The following ZFP82 variants were observed in gnomAD, a reference collection of about 807,000 sequenced individuals.
ZFP82 encodes the protein zinc finger protein 82 homolog.
Under a neutral mutation model 54.0 loss-of-function variants are expected in ZFP82, and 30 were observed. The observed-to-expected ratio is 0.56, with a 90% CI of 0.42 to 0.75. The LOEUF is 0.75. ZFP82 is among the 30% of genes least tolerant of loss of function. The probability of loss-of-function intolerance (pLI) is 0.00; values close to 1 mark genes in which losing one functional copy is unlikely to be tolerated. For synonymous variants in ZFP82, 194 were observed against 209.5 expected (o/e 0.93, Z 0.64); for missense variants, 500 against 636.8 (o/e 0.79, Z 2.31).
intron 4 of ZFP82, among the ~76,000 whole-genome samples, chr19:36,403,409 A>G (rs1018634215): frequency 2.0e-5 from 3 of 146,560 alleles, no homozygotes; most frequent in African/African-American, 7.6e-5. Context: ...TCACAAGGTC[A>G]GGAGTTCAAG....
chr19:36,396,617 C>T (rs990405273), intron 4 of ZFP82, among the ~76,000 whole-genome samples: 4 of 151,928 alleles, frequency 2.6e-5, no homozygotes, highest in African/African-American at 9.7e-5. Context: ...GATCGCGCCA[C>T]TGCACTCCAG....
In ZFP82 at chr19:36,389,384, A is replaced by T. The variant is rs920100506; in HGVS notation, c.*3357T>A. Among the ~76,000 whole-genome samples the T allele has an allele frequency of 2.0e-5, 3 of 152,180 alleles. No homozygotes were observed. The highest frequency in any genetic ancestry group is 2.9e-5 in the Non-Finnish European group (2 of 68,020). On this transcript the variant is annotated 3_prime_UTR_variant, in exon 5 of 5. Coordinates refer to ENST00000392161, the MANE Select transcript of ZFP82 (RefSeq NM_133466.4). ...AAAAACTTTATTATGGAAAATTTAA[A>T]ATATATGTAAAGATAGTAAGAACGG...
chr19:36,413,096 G>A (rs1349129762), intron 1 of ZFP82, among the ~76,000 whole-genome samples: 9 of 152,158 alleles, frequency 5.9e-5, no homozygotes, highest in African/African-American at 2.2e-4. Flanking sequence ...ATACAAAGAT[G>A]TATTGCAAGA....
chr19:36,392,785 A>C lies in ZFP82; in HGVS notation c.1555T>G (p.Ser519Ala), dbSNP rs754661586. 6.3e-7 allele frequency: 1 copy of C among 1,598,736 alleles called. No homozygotes were observed. Among genetic ancestry groups the C allele is most frequent in the Non-Finnish European group, 8.5e-7 (1 of 1,174,874 alleles). The change falls in exon 5 of 5, where the codon TCA (serine) becomes GCA (alanine). Residue 519 changes from serine to alanine, a missense_variant. By Grantham distance (99) the Ser-to-Ala change is moderately conservative. Transcript: ENST00000392161. The part of the protein sequence containing the change: ...KECKKAFRQH[S>A]HLTHHLKIHN... Reference sequence around the variant, plus strand: ...ATTTTCAGATGATGAGTAAGGTGTGAATGTTGCCTAAAGGCCTTCTTACAT... The same window carrying C: ...ATTTTCAGATGATGAGTAAGGTGTGCATGTTGCCTAAAGGCCTTCTTACAT...
chr19:36,400,949 C>T (rs1346245218), intron 4 of ZFP82, among the ~76,000 whole-genome samples: 1 of 152,162 alleles, frequency 6.6e-6, no homozygotes. Flanking sequence ...ACAAGCTTAC[C>T]AGGATTCTCC....
At chr19:36,409,741 C>G (rs1568490326) in intron 2 of ZFP82, 40 bp downstream of exon 2, 1 of 1,611,100 alleles carries the variant, frequency 6.2e-7, no homozygotes, top group Non-Finnish European at 8.5e-7. Flanking sequence ...GTCACAGAAC[C>G]TTAACATGAT....
At chr19:36,412,685 G>A (rs2032600779) in intron 1 of ZFP82, among the ~76,000 whole-genome samples, 1 of 152,150 alleles carries the variant, frequency 6.6e-6, no homozygotes, top group African/African-American at 2.4e-5. Context: ...TTCTTGTGCT[G>A]TTCATTTGCA....
intron 3 of ZFP82, among the ~76,000 whole-genome samples, chr19:36,406,294 C>A (rs1326557943): frequency 2.0e-5 from 3 of 152,104 alleles, no homozygotes; most frequent in Non-Finnish European, 2.9e-5. Flanking sequence ...GTGTACAATT[C>A]AATGATTTTT....
At chr19:36,397,880 C>T (rs570033535) in intron 4 of ZFP82, among the ~76,000 whole-genome samples, 10 of 152,208 alleles carry the variant, frequency 6.6e-5, no homozygotes, top group Admixed American at 4.6e-4. Context: ...GCAACCATAC[C>T]CAGCCTAAAA....
chr19:36,406,656 C>G (rs2032486873), intron 3 of ZFP82, among the ~76,000 whole-genome samples: 2 of 152,190 alleles, frequency 1.3e-5, no homozygotes, highest in South Asian at 4.1e-4. Flanking sequence ...GTGAATAATG[C>G]TGCTGTGAAT....
intron 4 of ZFP82, among the ~76,000 whole-genome samples, chr19:36,403,021 T>C (rs1018686993): frequency 2.6e-5 from 4 of 151,840 alleles, no homozygotes; most frequent in African/African-American, 9.7e-5. Flanking sequence ...CGGGCGCCTG[T>C]AGTTCCAGCT....
rs187051406 is a variant in ZFP82, at chr19:36,409,086, C to T, written c.9+695G>A. On this transcript the variant is annotated intron_variant, in intron 2 of 4. Coordinates refer to ENST00000392161, the MANE Select transcript of ZFP82 (RefSeq NM_133466.4). ...ACAAAGATGTCATTCTAGACCAGCACATCCTGTTCAACCAAAAATGGAATC... is the reference window on the plus strand; with the variant it reads ...ACAAAGATGTCATTCTAGACCAGCATATCCTGTTCAACCAAAAATGGAATC... Among the ~76,000 whole-genome samples the T allele has an allele frequency of 3.3e-5, 5 of 152,168 alleles. No individual in the cohort carries two copies. The South Asian group carries it at 8.3e-4, about 25-fold the overall frequency.
At chr19:36,383,383 T>C (rs1462197324) in exon 2 of ZFP82, 1 of 152,034 alleles carries the variant, frequency 6.6e-6, no homozygotes, top group Non-Finnish European at 1.5e-5. Context: ...CAAAAAGGCA[T>C]CTGACTATAT....
At chr19:36,404,577 G>A (rs778713980) in intron 4 of ZFP82, among the ~76,000 whole-genome samples, 20 of 152,288 alleles carry the variant, frequency 1.3e-4, no homozygotes, top group Non-Finnish European at 2.5e-4. Context: ...TAGTTATAAT[G>A]CATTTAAATG....
chr19:36,395,132 A>C (rs1358227294), intron 4 of ZFP82: 1 of 152,192 alleles, frequency 6.6e-6, no homozygotes, highest in Non-Finnish European at 1.5e-5. Flanking sequence ...ATTCCTATGC[A>C]TCTGCCACTG....
At chr19:36,406,187 T>C (rs7256914) in intron 3 of ZFP82, among the ~76,000 whole-genome samples, 7,869 of 152,300 alleles carry the variant, frequency 0.052, 243 homozygotes, top group Non-Finnish European at 0.066. Context: ...ACATGTATTA[T>C]TTCTTGGATA....
At chr19:36,416,756 C>CAAAAA (rs1165706150) in intron 1 of ZFP82, among the ~76,000 whole-genome samples, 4 of 68,872 alleles carry the variant, frequency 5.8e-5, no homozygotes, top group East Asian at 4.4e-4. Context: ...AACTCCGTCT[C>CAAAAA]AAAAAAAAAA....
In ZFP82 at chr19:36,409,849, C is replaced by T. The variant is rs954760405; in HGVS notation, c.-60G>A. 11 of 1,593,914 alleles carry T rather than the reference C, an allele frequency of 6.9e-6. No individual in the cohort carries two copies. The highest frequency in any genetic ancestry group is 5.0e-5 in the Admixed American group (3 of 59,834). ...GGGGTTTACTTGCCAGGAGAAGCAC[C>T]GAGTCCACAGAGGCTGATCTAGGGA... On this transcript the variant is annotated 5_prime_UTR_variant, in exon 2 of 5. Coordinates refer to ENST00000392161, the MANE Select transcript of ZFP82 (RefSeq NM_133466.4).
intron 4 of ZFP82, among the ~76,000 whole-genome samples, chr19:36,405,186 G>GAAA (rs35735133): frequency 2.3e-5 from 2 of 88,506 alleles, no homozygotes; most frequent in Non-Finnish European, 4.5e-5. Context: ...CTGCATCTCA[G>GAAA]AAAAAAAAAA....
Sources: allele counts gnomAD v4.1 joint callset (sites outside exome capture counted in the v4.1 genomes callset), GRCh38; gene constraint gnomAD v4.1.1; transcripts MANE v1.5; gene names NCBI Gene and HGNC (gene_info 2026-07-23, HGNC 2026-07-21).